PPP1R9A: variants seen among roughly 807,000 people sequenced by gnomAD.
PPP1R9A encodes the protein neurabin-1.
PPP1R9A carries 59 observed loss-of-function variants against 141.9 expected under a neutral mutation model. The observed-to-expected ratio is 0.42, with a 90% CI of 0.34 to 0.52. PPP1R9A has a LOEUF of 0.52. Ranked by LOEUF, PPP1R9A falls within the 20% of genes least tolerant of loss-of-function variation. The pLI is 0.10. For synonymous variants in PPP1R9A, 500 were observed against 569.7 expected, an observed-to-expected ratio of 0.88 and a Z score of 1.74; for missense variants, 1,444 against 1,611.9, an observed-to-expected ratio of 0.90 and a Z score of 1.78.
chr7:94,910,432 GA>G lies in PPP1R9A; in HGVS notation c.325del (p.Thr109GlnfsTer94). 6.2e-7 allele frequency: 1 copy of G among 1,614,138 alleles called. No homozygotes were observed. Among genetic ancestry groups the G allele is most frequent in the South Asian group, 1.1e-5 (1 of 91,076 alleles). On this transcript the variant is annotated frameshift_variant, in exon 2 of 20. Transcript: ENST00000433360. LOFTEE classifies it high-confidence loss of function. This position sits in a 1 kb window ranked among gnomAD's most constrained non-coding sequence, Gnocchi z 4.5. ...QRRMKPKEFL[E>X]KTDGSVVKLE... is the part of the protein sequence containing the mutation. ...AAGAATGAAGCCCAAAGAATTTCTGGAAAAAACAGATGGCTCAGTTGTTAAG... is the reference window on the plus strand; with the variant it reads ...AAGAATGAAGCCCAAAGAATTTCTGGAAAAACAGATGGCTCAGTTGTTAAG...
intron 4 of PPP1R9A, among the ~76,000 whole-genome samples, chr7:95,147,055 G>T (rs984710739): frequency 6.6e-6 from 1 of 152,132 alleles, no homozygotes; most frequent in African/African-American, 2.4e-5. Context: ...AGCTTGATGG[G>T]AATACATTGA....
intron 2 of PPP1R9A, among the ~76,000 whole-genome samples, chr7:95,053,006 A>G (rs536598108): frequency 1.3e-5 from 2 of 152,200 alleles, no homozygotes; most frequent in African/African-American, 4.8e-5. Context: ...CCCTTCTTCC[A>G]GCCTATTATT....
rs1798271462 is a variant in PPP1R9A at position 95,247,501 on chromosome 7, C to T, written c.2141C>T (p.Ala714Val). ...ELQIKHAVTE[A>V]EIQKLKTKLQ... ...CAAATCAAACATGCAGTTACAGAAGCAGAGATTCAAAAATTGAAGACCAAG... is the reference window on the plus strand; with the variant it reads ...CAAATCAAACATGCAGTTACAGAAGTAGAGATTCAAAAATTGAAGACCAAG... Residue 714 changes from alanine (A) to valine (V), a missense_variant, in exon 9 of 20, where the codon GCA becomes GTA. This residue lies in a region of PPP1R9A where 488 missense variants were observed against 542.0 expected (regional missense o/e 0.90). Coordinates refer to ENST00000433360, the MANE Select transcript of PPP1R9A (RefSeq NM_001166160.2). 1.9e-6 allele frequency: 3 copies of T among 1,608,802 alleles called. No individual in the cohort carries two copies. The highest frequency in any genetic ancestry group is 2.5e-6 in the Non-Finnish European group (3 of 1,176,966).
At chr7:95,249,924 G>A in intron 9 of PPP1R9A, 102 bp from the exon 10 acceptor site, 2 of 1,421,580 alleles carry the variant, frequency 1.4e-6, no homozygotes, top group South Asian at 1.6e-5. Context: ...TTCAGTGATT[G>A]TTTATGATAA....
At chr7:94,980,828 A>G (rs1353140092) in intron 2 of PPP1R9A, among the ~76,000 whole-genome samples, 2 of 152,180 alleles carry the variant, frequency 1.3e-5, no homozygotes, top group Non-Finnish European at 2.9e-5. Flanking sequence ...CCCACTGACC[A>G]TAAGAAAGTG....
chr7:95,121,187 G>A (rs892629947), intron 4 of PPP1R9A, among the ~76,000 whole-genome samples: 1 of 152,178 alleles, frequency 6.6e-6, no homozygotes, highest in African/African-American at 2.4e-5. Flanking sequence ...AATGATAATA[G>A]TTCTGGCATC....
intron 2 of PPP1R9A, among the ~76,000 whole-genome samples, chr7:94,976,268 T>C (rs1799432153): frequency 6.6e-6 from 1 of 152,140 alleles, no homozygotes. Flanking sequence ...ATTACGGCAT[T>C]GTTTATTATG....
Position 95,214,732 on chromosome 7 carries a change from G to A in PPP1R9A, c.1956+11002G>A, listed in dbSNP as rs116387968. On this transcript the variant is annotated intron_variant, in intron 7 of 19. Transcript: ENST00000433360. ...GGAGTATACTTTCTAAAAGGAAGGG[G>A]ATAAAAACTAAAGAATGGATTTGAG... 8.8e-3 allele frequency among the ~76,000 whole-genome samples: 1,345 copies of A among 152,186 alleles called. 16 individuals carry two copies. Among genetic ancestry groups the A allele is most frequent in the African/African-American group, 0.031 (1,292 of 41,522 alleles).
At chr7:94,989,734 G>T (rs947984805) in intron 2 of PPP1R9A, among the ~76,000 whole-genome samples, 1 of 151,924 alleles carries the variant, frequency 6.6e-6, no homozygotes, top group Non-Finnish European at 1.5e-5. Flanking sequence ...TAGTATATTT[G>T]TAATACTTAT....
intron 5 of PPP1R9A, among the ~76,000 whole-genome samples, chr7:95,195,860 G>C (rs1245583933): frequency 1.3e-5 from 2 of 151,996 alleles, no homozygotes; most frequent in Non-Finnish European, 1.5e-5. Flanking sequence ...AGAACAGCCT[G>C]GGCAAAACAA....
intron 2 of PPP1R9A, among the ~76,000 whole-genome samples, chr7:95,101,136 G>A (rs1255549810): frequency 2.6e-5 from 4 of 152,086 alleles, no homozygotes; most frequent in African/African-American, 7.2e-5. Context: ...ACAGGCGTGA[G>A]CCACCGCGCC....
rs111395061 is a variant in PPP1R9A at position 94,933,680 on chromosome 7, A to G, written c.1395+22172A>G. On this transcript the variant is annotated intron_variant, in intron 2 of 19. Coordinates refer to ENST00000433360, the MANE Select transcript of PPP1R9A (RefSeq NM_001166160.2). ...ATTCACCATACCAGGCACCAAGTAAAGGGCTTTATTTATGCTAATTAACTT... is the reference window on the plus strand; with the variant it reads ...ATTCACCATACCAGGCACCAAGTAAGGGGCTTTATTTATGCTAATTAACTT... Among the ~76,000 whole-genome samples the G allele has an allele frequency of 1.1e-3, 164 of 152,314 alleles. 1 individual carries two copies. Among genetic ancestry groups the G allele is most frequent in the African/African-American group, 3.8e-3 (157 of 41,572 alleles).
At chr7:95,141,620 T>C (rs1373030542) in intron 4 of PPP1R9A, among the ~76,000 whole-genome samples, 1 of 139,668 alleles carries the variant, frequency 7.2e-6, no homozygotes, top group Non-Finnish European at 1.5e-5. Flanking sequence ...ATACAGTATG[T>C]GGTCTTTTGT....
At chr7:95,274,058 C>G (rs768617276) in intron 15 of PPP1R9A, 27 bp from the exon 16 acceptor site, 2 of 1,522,478 alleles carry the variant, frequency 1.3e-6, no homozygotes, top group Admixed American at 1.8e-5. Flanking sequence ...TCAGCTTCCC[C>G]TTTCTGACTG....
At chr7:95,117,381 TG>T (rs1394918580) in intron 3 of PPP1R9A, among the ~76,000 whole-genome samples, 7 of 152,176 alleles carry the variant, frequency 4.6e-5, no homozygotes, top group Admixed American at 4.6e-4. Flanking sequence ...ATCAGTCTTC[TG>T]GTCTCTGTGC....
chr7:95,050,102 C>A (rs1364102700), intron 2 of PPP1R9A, among the ~76,000 whole-genome samples: 1 of 152,138 alleles, frequency 6.6e-6, no homozygotes, highest in Non-Finnish European at 1.5e-5. Context: ...AGTGGCTGTA[C>A]CAGCAATGAT....
chr7:95,133,853 T>C (rs560503144), intron 4 of PPP1R9A, among the ~76,000 whole-genome samples: 68 of 151,992 alleles, frequency 4.5e-4, no homozygotes, highest in African/African-American at 1.5e-3. Flanking sequence ...CCATGCCTGG[T>C]TGATTTTTAT....
At chr7:95,237,316 C>G (rs1227787708) in intron 8 of PPP1R9A, among the ~76,000 whole-genome samples, 3 of 151,534 alleles carry the variant, frequency 2.0e-5, no homozygotes, top group Admixed American at 6.6e-5. Context: ...CTACTTCGGC[C>G]TCCCAAGTAG....
intron 4 of PPP1R9A, among the ~76,000 whole-genome samples, chr7:95,161,454 G>A (rs1169581557): frequency 6.6e-6 from 1 of 152,132 alleles, no homozygotes; most frequent in Admixed American, 6.6e-5. Flanking sequence ...TTCTTTGTAA[G>A]ACCTCAGTGG....
Sources: allele counts gnomAD v4.1 joint callset (sites outside exome capture counted in the v4.1 genomes callset), GRCh38; gene constraint gnomAD v4.1.1; regional missense constraint gnomAD v4.1.1; non-coding constraint Gnocchi (gnomAD v3.1); transcripts MANE v1.5; gene names NCBI Gene and HGNC (gene_info 2026-07-23, HGNC 2026-07-21).